Variants in M1AP observed in about 807,000 individuals in gnomAD.
M1AP encodes the protein meiosis 1 arrest protein.
M1AP carries 39 observed loss-of-function variants against 51.2 expected under a neutral mutation model. That is an observed-to-expected ratio of 0.76 (90% CI 0.59 to 1.00). The LOEUF (loss-of-function observed/expected upper bound fraction) is 1.00, where lower values mean the gene tolerates loss of function less well. M1AP is among the 50% of genes least tolerant of loss of function. The pLI is 0.00. For synonymous variants in M1AP, 251 were observed against 249.2 expected, an observed-to-expected ratio of 1.01 and a Z score of -0.07; for missense variants, 545 against 641.2, an observed-to-expected ratio of 0.85 and a Z score of 1.62.
At chr2:74,589,283 T>C (rs1322489313) in intron 4 of M1AP, among the ~76,000 whole-genome samples, 1 of 152,050 alleles carries the variant, frequency 6.6e-6, no homozygotes, top group East Asian at 1.9e-4. Flanking sequence ...TAAAGCAGAA[T>C]AAGGAAGGAA....
At chr2:74,635,978 TATAA>T (rs1173379139) in intron 2 of M1AP, among the ~76,000 whole-genome samples, 3 of 152,114 alleles carry the variant, frequency 2.0e-5, no homozygotes, top group African/African-American at 7.2e-5. Flanking sequence ...TGGAGTATTA[TATAA>T]ATGTCAATTA....
At chr2:74,599,761 A>C (rs149857483) in intron 4 of M1AP, among the ~76,000 whole-genome samples, 61 of 151,994 alleles carry the variant, frequency 4.0e-4, no homozygotes, top group East Asian at 1.9e-3. Flanking sequence ...TTCTCTCTCT[A>C]TATATAATAC....
intron 4 of M1AP, among the ~76,000 whole-genome samples, chr2:74,606,190 G>A (rs893185100): frequency 2.0e-5 from 3 of 152,318 alleles, no homozygotes; most frequent in Admixed American, 1.3e-4. Flanking sequence ...CCTGGTGTAT[G>A]CTCCACTGTT....
intron 6 of M1AP, among the ~76,000 whole-genome samples, chr2:74,576,038 T>C (rs566689940): frequency 2.2e-4 from 34 of 152,124 alleles, no homozygotes; most frequent in Admixed American, 2.0e-3. Context: ...TATCCTACAA[T>C]TGGTTCTCCT....
intron 7 of M1AP, among the ~76,000 whole-genome samples, chr2:74,565,210 G>A (rs111581430): frequency 0.016 from 2,355 of 151,692 alleles, 65 homozygotes; most frequent in African/African-American, 0.053. Context: ...GCGACAGAGC[G>A]GGACTCCATC....
intron 4 of M1AP, among the ~76,000 whole-genome samples, chr2:74,598,215 C>T (rs570730911): frequency 1.3e-5 from 2 of 152,072 alleles, no homozygotes; most frequent in African/African-American, 2.4e-5. Flanking sequence ...AACCCTGTCT[C>T]TACTCAAAAT....
chr2:74,561,163 G>A (rs1363143549), intron 8 of M1AP, among the ~76,000 whole-genome samples: 2 of 133,240 alleles, frequency 1.5e-5, no homozygotes, highest in African/African-American at 2.7e-5. Flanking sequence ...GAAGGAGGAG[G>A]AGGAGAAGGA....
At position 74,601,639 on chromosome 2, in the gene M1AP, A is replaced by G. The variant is rs551214339; in HGVS notation, c.595+5416T>C. Among the ~76,000 whole-genome samples the G allele has an allele frequency of 3.3e-5, 5 of 152,296 alleles. No individual in the cohort carries two copies. In the South Asian group the frequency reaches 1.0e-3, roughly 32 times the overall value. On this transcript the variant is annotated intron_variant, in intron 4 of 10. Transcript: ENST00000421985. ...CAGCAAAATTTTAAAGAATAAAATG[A>G]AAAAGACCAGGAACATATTAAAGGA...
At chr2:74,596,280 G>C (rs1243998714) in intron 4 of M1AP, among the ~76,000 whole-genome samples, 1 of 152,110 alleles carries the variant, frequency 6.6e-6, no homozygotes, top group Admixed American at 6.6e-5. Context: ...GGGAAAGGAT[G>C]AACCATAAAA....
chr2:74,618,985 C>G, intron 2 of M1AP: 2 of 532,234 alleles, frequency 3.8e-6, no homozygotes, highest in South Asian at 2.8e-5. Flanking sequence ...AACCATGGGC[C>G]CTCATCTCTG....
chr2:74,614,252 C>T (rs532330147), intron 3 of M1AP, among the ~76,000 whole-genome samples: 2 of 152,030 alleles, frequency 1.3e-5, no homozygotes, highest in Non-Finnish European at 2.9e-5. Flanking sequence ...TGCCCTGTGA[C>T]CTCACTTCTC....
In M1AP at chr2:74,595,612, A is replaced by C. The variant is rs573976707; in HGVS notation, c.595+11443T>G. ...AGTGATCTGCCTGTCTTGGCCTCTC[A>C]AGGTGCTGGGATTGTAGGCTAAAAG... is the stretch of plus-strand genomic sequence containing the variant. On this transcript the variant is annotated intron_variant, in intron 4 of 10. Coordinates refer to ENST00000421985, the MANE Select transcript of M1AP (RefSeq NM_001321739.2). Among the ~76,000 whole-genome samples, 19 of 152,294 alleles carry C rather than the reference A, an allele frequency of 1.2e-4. No homozygotes were observed. In the South Asian group the frequency reaches 3.9e-3, roughly 32 times the overall value.
At chr2:74,600,600 G>C (rs1680619595) in intron 4 of M1AP, among the ~76,000 whole-genome samples, 1 of 152,226 alleles carries the variant, frequency 6.6e-6, no homozygotes, top group East Asian at 1.9e-4. Flanking sequence ...GGCTTTCCCT[G>C]TGAGAGGTAT....
intron 4 of M1AP, among the ~76,000 whole-genome samples, chr2:74,602,488 G>T (rs558130873): frequency 7.2e-5 from 11 of 152,292 alleles, no homozygotes; most frequent in Admixed American, 4.6e-4. Context: ...ACTGCATGGA[G>T]TAGGAATTAA....
chr2:74,647,451 C>T (rs1252795973), intron 1 of M1AP: 39 of 941,964 alleles, frequency 4.1e-5, no homozygotes, highest in Non-Finnish European at 4.8e-5. Context: ...AAGGCACTTT[C>T]GTCTTCGTGG....
chr2:74,577,568 A>G (rs374110137), intron 5 of M1AP, among the ~76,000 whole-genome samples: 1 of 152,250 alleles, frequency 6.6e-6, no homozygotes, highest in East Asian at 1.9e-4. Context: ...CAACATAGAA[A>G]AAAATAGAGT....
At chr2:74,595,175 C>A (rs1680258348) in intron 4 of M1AP, among the ~76,000 whole-genome samples, 1 of 152,088 alleles carries the variant, frequency 6.6e-6, no homozygotes, top group African/African-American at 2.4e-5. Context: ...ACCACCACAC[C>A]TGGCTAATTT....
chr2:74,632,884 C>G (rs150099476), intron 2 of M1AP, among the ~76,000 whole-genome samples: 43 of 152,170 alleles, frequency 2.8e-4, no homozygotes, highest in Middle Eastern at 3.4e-3. Context: ...TCCAAATGTA[C>G]TGAGGAGTGC....
chr2:74,595,321 A>G (rs1680266362), intron 4 of M1AP, among the ~76,000 whole-genome samples: 1 of 151,280 alleles, frequency 6.6e-6, no homozygotes, highest in Admixed American at 6.6e-5. Context: ...GGCCCTCTTA[A>G]GTTTTTTAAA....
Sources: gnomAD v4.1 joint callset for allele counts (sites outside exome capture counted in the v4.1 genomes callset) on GRCh38, gnomAD v4.1.1 for gene constraint, MANE v1.5 for transcripts, NCBI Gene and HGNC (gene_info 2026-07-23, HGNC 2026-07-21) for gene names.